Variants in GPR108 observed in about 807,000 individuals in gnomAD.
The protein encoded by GPR108 is protein GPR108.
Under a neutral mutation model 74.3 loss-of-function variants are expected in GPR108, and 60 were observed. The ratio of observed to expected loss-of-function variants is 0.81; its 90% CI spans 0.66 to 1.00. The LOEUF (loss-of-function observed/expected upper bound fraction) is 1.00. Among genes scored for constraint, GPR108 ranks in the 50% least tolerant of loss-of-function variants. The probability of loss-of-function intolerance (pLI) is 0.00; values close to 1 mark genes in which losing one functional copy is unlikely to be tolerated. For synonymous variants in GPR108, 311 were observed against 292.4 expected (o/e 1.06, Z -0.65); for missense variants, 667 against 703.3 (o/e 0.95, Z 0.58).
At chr19:6,731,390 G>C (rs1428201805) in intron 15 of GPR108, 83 bp downstream of exon 15, 44 of 1,486,500 alleles carry the variant, frequency 3.0e-5, no homozygotes, top group Non-Finnish European at 3.9e-5. Flanking sequence ...GCCTCGGGAT[G>C]GGGCAGCAGC....
At chr19:6,736,526 G>T in intron 2 of GPR108, 66 bp downstream of exon 2, 1 of 1,517,534 alleles carries the variant, frequency 6.6e-7, no homozygotes, top group Non-Finnish European at 9.0e-7. Context: ...TAGCGGCAGA[G>T]CTGGGAACCC....
chr19:6,731,739 T>C, intron 14 of GPR108, 152 bp downstream of exon 14: 1 of 949,740 alleles, frequency 1.1e-6, no homozygotes, highest in Middle Eastern at 3.3e-4. Flanking sequence ...ATAAAGGCAT[T>C]CGGGGGAAAG....
chr19:6,736,696 C>G lies in GPR108; in HGVS notation c.136G>C (p.Asp46His), dbSNP rs1368969048. ...AAACCGAAGCTGTTCAGCTGGATGTCCGCTCGCTTCTCCCCCTGCCGGAGA... is the reference window on the plus strand; with the variant it reads ...AAACCGAAGCTGTTCAGCTGGATGTGCGCTCGCTTCTCCCCCTGCCGGAGA... ...QLALTGEKRA[D>H]IQLNSFGFYT... The change falls in exon 2 of 18, where the codon GAC becomes CAC. Residue 46 changes from aspartate to histidine, a missense_variant. Transcript: ENST00000264080. The G allele has an allele frequency of 1.9e-6, 3 of 1,614,002 alleles. No individual in the cohort carries two copies. The highest frequency in any genetic ancestry group is 2.5e-6 in the Non-Finnish European group (3 of 1,180,026).
Position 6,731,013 on chromosome 19 carries a change from G to A in GPR108, c.1533C>T (p.Asp511=), listed in dbSNP as rs761983707. 24 of 1,611,368 alleles carry A rather than the reference G, an allele frequency of 1.5e-5. No individual in the cohort carries two copies. Among genetic ancestry groups the A allele is most frequent in the Middle Eastern group, 1.7e-4 (1 of 6,054 alleles). Reference sequence around the variant, plus strand: ...CTTGCTCCATCTGAACATCCTCCTCGTCCTCCTGGGGCAGCTGCAGGTACG... The same window carrying A: ...CTTGCTCCATCTGAACATCCTCCTCATCCTCCTGGGGCAGCTGCAGGTACG... ...NNPYLQLPQE[D]EEDVQMEQVM... is the part of the protein sequence containing the mutation. The change falls in exon 17 of 18, where the codon GAC becomes GAT. Residue 511 remains aspartate, a synonymous_variant. Coordinates refer to ENST00000264080, the MANE Select transcript of GPR108 (RefSeq NM_001080452.2).
chr19:6,733,948 G>C, intron 6 of GPR108, 35 bp from the exon 7 acceptor site: 1 of 1,614,126 alleles, frequency 6.2e-7, no homozygotes. Context: ...AGCTGGTTCT[G>C]GGTCCCCGCA....
rs754699821 is a variant in GPR108 at position 6,736,616 on chromosome 19, C to T, written c.216G>A (p.Arg72=). ...VELSVLRLGL[R]EAEEKSLLVG... is the part of the protein sequence containing the mutation. The stretch of plus-strand genomic sequence containing the variant: ...CCAGCAGGGACTTCTCTTCTGCCTC[C>T]CGGAGGCCCAGCCGCAGGACGCTCA... Residue 72 remains arginine, a synonymous_variant, in exon 2 of 18, where the codon CGG becomes CGA. Transcript: ENST00000264080. 9.3e-6 allele frequency: 15 copies of T among 1,614,042 alleles called. No homozygotes were observed. The highest frequency in any genetic ancestry group is 7.6e-6 in the Non-Finnish European group (9 of 1,180,000).
At chr19:6,735,281 T>C (rs894235521) in intron 4 of GPR108, 1 of 193,526 alleles carries the variant, frequency 5.2e-6, no homozygotes, top group Non-Finnish European at 1.1e-5. Context: ...TTCCTGGGAC[T>C]CAGTTTTCTT....
rs547651047 is a variant in GPR108 at position 6,732,743 on chromosome 19, G to T, written c.934-194C>A. On this transcript the variant is annotated intron_variant, in intron 10 of 17. Coordinates refer to ENST00000264080, the MANE Select transcript of GPR108 (RefSeq NM_001080452.2). The stretch of plus-strand genomic sequence containing the variant: ...GGAGGGAACAGTCACAGCTGAAGGG[G>T]TGAATAGTTGGACAATCAGAGACGG... 314 of 660,390 alleles carry T rather than the reference G, an allele frequency of 4.8e-4. 2 individuals are homozygous for T. In the African/African-American group the frequency reaches 4.9e-3, roughly 10 times the overall value. 40.9% of individuals were successfully genotyped at this position (660,390 alleles called of 1,614,324 possible). A position where few individuals can be genotyped will look rare whatever the true frequency, so the allele number is the denominator to read the frequency against.
In GPR108 at chr19:6,730,999, T is replaced by C. The variant is rs768735403; in HGVS notation, c.1547A>G (p.Gln516Arg). 5.2e-5 allele frequency: 79 copies of C among 1,519,844 alleles called. No individual in the cohort carries two copies. Among genetic ancestry groups the C allele is most frequent in the Non-Finnish European group, 6.7e-5 (75 of 1,120,564 alleles). The allele number at this position is 1,519,844 out of a possible 1,614,324, so 94.1% of individuals were successfully genotyped here. A position where few individuals can be genotyped will look rare whatever the true frequency, so the allele number is the denominator to read the frequency against. Residue 516 changes from glutamine to arginine, a missense_variant, in exon 17 of 18, where the codon CAG becomes CGG. Transcript: ENST00000264080. ...GTGCCCAGCTCACACTTGCTCCATC[T>C]GAACATCCTCCTCGTCCTCCTGGGG... ...QLPQEDEEDV[Q>R]MEQVMTDSGF...
At chr19:6,732,918 A>T in intron 10 of GPR108, 69 bp downstream of exon 10, 1 of 1,403,048 alleles carries the variant, frequency 7.1e-7, no homozygotes, top group Non-Finnish European at 9.8e-7. Context: ...GGGTCTGCAG[A>T]GATTTGGGGG....
chr19:6,735,650 G>C lies in GPR108; in HGVS notation c.346C>G (p.Leu116Val), dbSNP rs374909621. 37 of 1,614,006 alleles carry C rather than the reference G, an allele frequency of 2.3e-5. No individual in the cohort carries two copies. The highest frequency in any genetic ancestry group is 1.7e-4 in the African/African-American group (13 of 74,906). Residue 116 changes from leucine (L) to valine (V), a missense_variant, in exon 4 of 18, where the codon CTG (leucine) becomes GTG (valine). Transcript: ENST00000264080. Reference sequence around the variant, plus strand: ...AGATCCTTGGTGTTGATGAGGAACAGGACCAGGAAACTGCTACTGTTTTTC... The same window carrying C: ...AGATCCTTGGTGTTGATGAGGAACACGACCAGGAAACTGCTACTGTTTTTC... The part of the protein sequence containing the change: ...LQKNSSSFLV[L>V]FLINTKDLQV...
In GPR108 at chr19:6,731,260, G is replaced by A. The variant is rs756481588; in HGVS notation, c.1373C>T (p.Thr458Ile). ...YVMVICYVYF[T>I]RIIAILLQVA... ...CTGCAGCAGGATGGCGATGATGCGGGTGAAGTAGACGTAGCAGATGACCTG... is the reference window on the plus strand; with the variant it reads ...CTGCAGCAGGATGGCGATGATGCGGATGAAGTAGACGTAGCAGATGACCTG... The change falls in exon 16 of 18, where the codon ACC (threonine) becomes ATC (isoleucine). Residue 458 changes from threonine to isoleucine, a missense_variant. Physicochemically the swap from Thr to Ile is moderately conservative, Grantham distance 89. Transcript: ENST00000264080. The A allele has an allele frequency of 1.3e-6, 2 of 1,556,774 alleles. No individual in the cohort carries two copies.
At position 6,733,547 on chromosome 19, in the gene GPR108, C is replaced by T. The variant is rs1382504478; in HGVS notation, c.723+23G>A. The T allele has an allele frequency of 1.9e-6, 3 of 1,605,590 alleles. No homozygotes were observed. In the African/African-American group the frequency reaches 4.0e-5, roughly 21 times the overall value. On this transcript the variant is annotated intron_variant, in intron 8 of 17. Coordinates refer to ENST00000264080, the MANE Select transcript of GPR108 (RefSeq NM_001080452.2). Reference sequence around the variant, plus strand: ...GGCCTGCAGGGGGCGCTCCCTGGCCCTGCTGCCCTCCACTCCGCTCACCGT... The same window carrying T: ...GGCCTGCAGGGGGCGCTCCCTGGCCTTGCTGCCCTCCACTCCGCTCACCGT...
At chr19:6,731,392 G>C (rs1346664465) in intron 15 of GPR108, 81 bp downstream of exon 15, 7 of 1,489,662 alleles carry the variant, frequency 4.7e-6, no homozygotes, top group Non-Finnish European at 5.4e-6. Context: ...CTCGGGATGG[G>C]GCAGCAGCTG....
Position 6,732,514 on chromosome 19 carries a change from G to T in GPR108, c.969C>A (p.Pro323=). 1 of 1,613,890 alleles carries T rather than the reference G, an allele frequency of 6.2e-7. No individual in the cohort carries two copies. Among genetic ancestry groups the T allele is most frequent in the Non-Finnish European group, 8.5e-7 (1 of 1,179,980 alleles). The part of the protein sequence containing the change: ...NYYFINSQGH[P]IEGLAVMYYI... Reference sequence around the variant, plus strand: ...AGTACATGACGGCAAGGCCTTCGATGGGGTGGCCCTGGCTGTTGATGAAGT... The same window carrying T: ...AGTACATGACGGCAAGGCCTTCGATTGGGTGGCCCTGGCTGTTGATGAAGT... Residue 323 remains proline (P), a synonymous_variant, in exon 11 of 18, where the codon CCC becomes CCA. Coordinates refer to ENST00000264080, the MANE Select transcript of GPR108 (RefSeq NM_001080452.2).
chr19:6,732,903 G>T, intron 10 of GPR108, 84 bp downstream of exon 10: 1 of 1,281,156 alleles, frequency 7.8e-7, no homozygotes, highest in Non-Finnish European at 1.1e-6. Flanking sequence ...CCTCCCACAG[G>T]CCCAGGGTCT....
In GPR108 at chr19:6,733,673, A is replaced by G; in HGVS notation, c.620T>C (p.Phe207Ser). Residue 207 changes from phenylalanine (F) to serine (S), a missense_variant and splice_region_variant, in exon 8 of 18, where the codon TTC (phenylalanine) becomes TCC (serine). Transcript: ENST00000264080. ...CGCCTGAGAGCCGATCACCACGTGG[A>G]ACTGGGCGGGCGGGGAGAGAGGAGG... ...SHLNNSYNFS[F>S]HVVIGSQAEE... The G allele has an allele frequency of 6.2e-7, 1 of 1,613,908 alleles. No individual in the cohort carries two copies. Among genetic ancestry groups the G allele is most frequent in the Non-Finnish European group, 8.5e-7 (1 of 1,179,848 alleles).
Position 6,730,994 on chromosome 19 carries a change from C to T in GPR108, c.1552G>A (p.Glu518Lys). 6.2e-7 allele frequency: 1 copy of T among 1,600,218 alleles called. No individual in the cohort carries two copies. The highest frequency in any genetic ancestry group is 8.5e-7 in the Non-Finnish European group (1 of 1,171,994). The stretch of plus-strand genomic sequence containing the variant: ...CCATGGTGCCCAGCTCACACTTGCT[C>T]CATCTGAACATCCTCCTCGTCCTCC... ...PQEDEEDVQMEQVMTDSGFRE... is the reference protein window; with the variant it reads ...PQEDEEDVQMKQVMTDSGFRE... The change falls in exon 17 of 18, where the codon GAG (glutamate) becomes AAG (lysine). Residue 518 changes from glutamate to lysine, a missense_variant. Glu to Lys is a moderately conservative substitution (Grantham distance 56). Coordinates refer to ENST00000264080, the MANE Select transcript of GPR108 (RefSeq NM_001080452.2).
At position 6,731,941 on chromosome 19, in the gene GPR108, C is replaced by A. The variant is rs761864343; in HGVS notation, c.1257-7G>T. 1 of 1,613,088 alleles carries A rather than the reference C, an allele frequency of 6.2e-7. No individual in the cohort carries two copies. The highest frequency in any genetic ancestry group is 8.5e-7 in the Non-Finnish European group (1 of 1,179,822). On this transcript the variant is annotated splice_region_variant and splice_polypyrimidine_tract_variant and intron_variant, in intron 13 of 17. Coordinates refer to ENST00000264080, the MANE Select transcript of GPR108 (RefSeq NM_001080452.2). ...CTGGAGATGCCGGATGGACCTGGGA[C>A]AAGTGGAGGACACAGGGTACGGTCA... is the stretch of plus-strand genomic sequence containing the variant.
Sources: allele counts gnomAD v4.1 joint callset, GRCh38; gene constraint gnomAD v4.1.1; transcripts MANE v1.5; gene names NCBI Gene and HGNC (gene_info 2026-07-23, HGNC 2026-07-21).